The following CABP4 variants were observed in gnomAD, a reference collection of about 807,000 sequenced individuals.
CABP4 encodes the protein calcium-binding protein 4.
CABP4 carries 30 observed loss-of-function variants against 30.7 expected under a neutral mutation model. That is an observed-to-expected ratio of 0.98 (90% CI 0.73 to 1.33). CABP4 has a LOEUF of 1.33. Among genes scored for constraint, CABP4 ranks in the 40% most tolerant of loss-of-function variants. CABP4 has a pLI of 0.00. For synonymous variants in CABP4, 161 were observed against 159.2 expected (o/e 1.01, Z -0.08); for missense variants, 424 against 395.5 (o/e 1.07, Z -0.61).
chr11:67,455,542 A>T lies in CABP4; in HGVS notation c.119A>T (p.Lys40Met). ...SDAEEPPLTR[K>M]RSKKERGLRG... ...GCAGAGGAGCCCCCGTTGACCAGGA[A>T]GAGGAGCAAGAAGGAGAGGGGGCTC... Residue 40 changes from lysine to methionine, a missense_variant, in exon 1 of 6, where the codon AAG (lysine) becomes ATG (methionine). Lys to Met is a moderately conservative substitution (Grantham distance 95). Coordinates refer to ENST00000325656, the MANE Select transcript of CABP4 (RefSeq NM_145200.5). The T allele has an allele frequency of 6.2e-7, 1 of 1,603,254 alleles. No homozygotes were observed. The highest frequency in any genetic ancestry group is 8.5e-7 in the Non-Finnish European group (1 of 1,176,134).
upstream of CABP4, chr11:67,452,433 G>C: frequency 6.2e-7 from 1 of 1,612,644 alleles, no homozygotes; most frequent in Admixed American, 1.7e-5. Context: ...GTCCCCAGCG[G>C]CCAGTGTCCC....
intron 4 of CABP4, among the ~76,000 whole-genome samples, chr11:67,457,915 T>C (rs189259650): frequency 1.3e-5 from 2 of 151,928 alleles, no homozygotes; most frequent in African/African-American, 2.4e-5. Context: ...AAGGTGTGCA[T>C]GGGCAGAGAT....
chr11:67,457,793 A>T, intron 4 of CABP4, 111 bp downstream of exon 4: 4 of 855,330 alleles, frequency 4.7e-6, no homozygotes, highest in Non-Finnish European at 7.3e-6. Flanking sequence ...AGGCGGTGGG[A>T]CTGGGGCCCA....
Position 67,458,887 on chromosome 11 carries a change from GCCCA to G in CABP4, c.*231_*234del. On this transcript the variant is annotated 3_prime_UTR_variant, in exon 6 of 6. Transcript: ENST00000325656. ...GCCTGGAGAAGACCTGCTCTCAGCTGCCCACCGTTCCTCAGTGTGAGCAAGATTT... is the reference window on the plus strand; with the variant it reads ...GCCTGGAGAAGACCTGCTCTCAGCTGCCGTTCCTCAGTGTGAGCAAGATTT... The G allele has an allele frequency of 1.6e-6, 1 of 618,542 alleles. No homozygotes were observed. The highest frequency in any genetic ancestry group is 1.8e-5 in the South Asian group (1 of 54,846). The allele number at this position is 618,542 out of a possible 1,614,324, so 38.3% of individuals were successfully genotyped here.
At chr11:67,452,853 T>C (rs974109712), upstream of CABP4, 14 of 712,412 alleles carry the variant, frequency 2.0e-5, no homozygotes, top group African/African-American at 9.1e-5. Flanking sequence ...CCTGCGCCAT[T>C]GTCATCACCT....
At chr11:67,457,850 T>C (rs1864876231) in intron 4 of CABP4, among the ~76,000 whole-genome samples, 168 bp downstream of exon 4, 1 of 152,116 alleles carries the variant, frequency 6.6e-6, no homozygotes, top group African/African-American at 2.4e-5. Flanking sequence ...AGAGGATCCG[T>C]CCAGGGGGAC....
At position 67,456,431 on chromosome 11, in the gene CABP4, T is replaced by A. The variant is rs200503985; in HGVS notation, c.530T>A (p.Ile177Asn). ...EMELLEVSQH[I>N]KMRMGGRVDF... ...GAGCTCCTGGAGGTCTCGCAGCACA[T>A]CAAGATGCGCAGTCAGTCAGGGAGC... The change falls in exon 3 of 6, where the codon ATC (isoleucine) becomes AAC (asparagine). Residue 177 changes from isoleucine to asparagine, a missense_variant. Transcript: ENST00000325656. 6.1e-5 allele frequency: 98 copies of A among 1,610,630 alleles called. No homozygotes were observed. Among genetic ancestry groups the A allele is most frequent in the Middle Eastern group, 1.7e-4 (1 of 6,060 alleles).
upstream of CABP4, among the ~76,000 whole-genome samples, chr11:67,454,968 C>T (rs934883008): frequency 2.0e-5 from 3 of 152,226 alleles, no homozygotes; most frequent in South Asian, 4.1e-4. Flanking sequence ...AGCCGTTGTC[C>T]GCATGCCTCC....
intron 2 of CABP4, 24 bp downstream of exon 2, chr11:67,456,242 G>A (rs1325531184): frequency 6.2e-7 from 1 of 1,613,626 alleles, no homozygotes; most frequent in Admixed American, 1.7e-5. Context: ...GCTGCTGGCA[G>A]GGGGTGGGAG....
chr11:67,459,274 C>T lies in CABP4; in HGVS notation c.*615C>T, dbSNP rs1472810116. 1 of 155,102 alleles carries T rather than the reference C, an allele frequency of 6.4e-6. No individual in the cohort carries two copies. The highest frequency in any genetic ancestry group is 2.4e-5 in the African/African-American group (1 of 41,434). The allele number at this position is 155,102 out of a possible 1,614,324, so 9.6% of individuals were successfully genotyped here. Reference sequence around the variant, plus strand: ...GCTTGAAAGAAAGAAAGGGATGGCTCCATGTATCAAAGACAAAGAAATCAA... The same window carrying T: ...GCTTGAAAGAAAGAAAGGGATGGCTTCATGTATCAAAGACAAAGAAATCAA... On this transcript the variant is annotated 3_prime_UTR_variant, in exon 6 of 6. Transcript: ENST00000325656.
rs143788427 is a variant in CABP4, at chr11:67,455,637, A to C, written c.214A>C (p.Asn72His). 574 of 1,610,000 alleles carry C rather than the reference A, an allele frequency of 3.6e-4. No homozygotes were observed. Among genetic ancestry groups the C allele is most frequent in the Non-Finnish European group, 4.5e-4 (530 of 1,179,210 alleles). ...TGPEAPGSSN[N>H]PPSTGEGPAG... ...CCCCGAGGCCCCGGGGAGCAGCAAT[A>C]ACCCTCCCAGCACTGGAGAGGGGCC... The change falls in exon 1 of 6, where the codon AAC becomes CAC. Residue 72 changes from asparagine (N) to histidine (H), a missense_variant. Transcript: ENST00000325656.
chr11:67,455,491 C>T lies in CABP4; in HGVS notation c.68C>T (p.Ala23Val), dbSNP rs371921931. 101 of 1,607,940 alleles carry T rather than the reference C, an allele frequency of 6.3e-5. 2 individuals carry two copies. In the Admixed American group the frequency reaches 1.1e-3, roughly 17 times the overall value. ...NLAIGRQKPPAGVVTPKSDAE... is the reference protein window; with the variant it reads ...NLAIGRQKPPVGVVTPKSDAE... ...GCCATTGGCCGTCAGAAGCCCCCTG[C>T]GGGGGTTGTGACTCCCAAGAGTGAT... Residue 23 changes from alanine to valine, a missense_variant, in exon 1 of 6, where the codon GCG becomes GTG. By Grantham distance (64) the Ala-to-Val change is moderately conservative. Transcript: ENST00000325656.
At chr11:67,455,827 G>A (rs1374670698) in intron 1 of CABP4, 38 bp downstream of exon 1, 1 of 1,548,750 alleles carries the variant, frequency 6.5e-7, no homozygotes, top group African/African-American at 1.4e-5. Flanking sequence ...GGTCCTGGGG[G>A]TGGGGCTGGA....
upstream of CABP4, chr11:67,455,313 C>A: frequency 2.8e-6 from 4 of 1,425,528 alleles, no homozygotes; most frequent in East Asian, 2.3e-5. Context: ...CCTCAGAGCC[C>A]GATCCTAGGC....
At chr11:67,452,649 A>T (rs199732498), upstream of CABP4, 6 of 1,612,962 alleles carry the variant, frequency 3.7e-6, no homozygotes, top group Admixed American at 1.0e-4. Flanking sequence ...CCTTGGGGGT[A>T]GGAGTCCTCA....
upstream of CABP4, among the ~76,000 whole-genome samples, chr11:67,455,177 C>A (rs776006397): frequency 3.3e-5 from 5 of 152,208 alleles, no homozygotes; most frequent in Non-Finnish European, 7.4e-5. Context: ...GCAGCCACCA[C>A]GTCCTGGTGC....
chr11:67,456,075 T>C (rs760904827), intron 1 of CABP4, 113 bp from the exon 2 acceptor site: 1 of 1,599,702 alleles, frequency 6.3e-7, no homozygotes, highest in East Asian at 2.2e-5. Context: ...AGGGTCCTTT[T>C]CCTACTCTGA....
intron 4 of CABP4, 23 bp from the exon 5 acceptor site, chr11:67,458,348 G>A: frequency 1.9e-6 from 3 of 1,591,858 alleles, no homozygotes; most frequent in Non-Finnish European, 1.7e-6. Context: ...GGTGGGAGGG[G>A]CTGAGCTTTG....
rs1864782617 is a variant in CABP4 at position 67,456,179 on chromosome 11, C to G, written c.367-9C>G. The G allele has an allele frequency of 2.5e-6, 4 of 1,613,082 alleles. No individual in the cohort carries two copies. Among genetic ancestry groups the G allele is most frequent in the Non-Finnish European group, 2.5e-6 (3 of 1,179,878 alleles). ...GGCCCTGGGGACATCCTGGACTCTC[C>G]CCCTGCAGGACCGCGAACTGGGCCC... On this transcript the variant is annotated splice_polypyrimidine_tract_variant and intron_variant, in intron 1 of 5. Coordinates refer to ENST00000325656, the MANE Select transcript of CABP4 (RefSeq NM_145200.5).
Sources: gnomAD v4.1 joint callset for allele counts (sites outside exome capture counted in the v4.1 genomes callset) on GRCh38, gnomAD v4.1.1 for gene constraint, MANE v1.5 for transcripts, NCBI Gene and HGNC (gene_info 2026-07-23, HGNC 2026-07-21) for gene names.